TBCA: variants seen among roughly 807,000 people sequenced by gnomAD.
TBCA encodes the protein tubulin-specific chaperone A.
In TBCA, 6 loss-of-function variants were observed where a neutral mutation model predicts 15.8. That is an observed-to-expected ratio of 0.38 (90% CI 0.21 to 0.75). The LOEUF (loss-of-function observed/expected upper bound fraction) is 0.75, where lower values mean the gene tolerates loss of function less well. Ranked by LOEUF, TBCA falls within the 30% of genes least tolerant of loss-of-function variation. TBCA has a pLI of 0.46. For synonymous variants in TBCA, 32 were observed against 42.3 expected, an observed-to-expected ratio of 0.76 and a Z score of 0.94; for missense variants, 90 against 131.2, an observed-to-expected ratio of 0.69 and a Z score of 1.53.
chr5:77,752,507 G>A (rs1244496661), intron 1 of TBCA, among the ~76,000 whole-genome samples: 1 of 152,116 alleles, frequency 6.6e-6, no homozygotes, highest in East Asian at 1.9e-4. Flanking sequence ...GGGATTACAG[G>A]CACATGCCAC....
At chr5:77,771,959 C>T (rs528925292) in intron 1 of TBCA, among the ~76,000 whole-genome samples, 1 of 152,150 alleles carries the variant, frequency 6.6e-6, no homozygotes, top group African/African-American at 2.4e-5. Flanking sequence ...TAAACCTCTT[C>T]TTCCAAATAA....
intron 1 of TBCA, among the ~76,000 whole-genome samples, chr5:77,739,657 TAACAAG>T (rs1489730196): frequency 6.6e-6 from 1 of 152,192 alleles, no homozygotes; most frequent in Non-Finnish European, 1.5e-5. Context: ...CCTGCGCTGT[TAACAAG>T]AATAAGAAGT....
At position 77,708,293 on chromosome 5, in the gene TBCA, C is replaced by G. The variant is rs1478463039; in HGVS notation, c.108G>C (p.Lys36Asn). 2 of 1,611,502 alleles carry G rather than the reference C, an allele frequency of 1.2e-6. No individual in the cohort carries two copies. Among genetic ancestry groups the G allele is most frequent in the Non-Finnish European group, 1.7e-6 (2 of 1,178,792 alleles). The change falls in exon 2 of 4, where the codon AAG becomes AAC. Residue 36 changes from lysine to asparagine, a missense_variant. By Grantham distance (94) the Lys-to-Asn change is moderately conservative (BLOSUM62 0). Coordinates refer to ENST00000380377, the MANE Select transcript of TBCA (RefSeq NM_004607.3). ...YEKEAKQQEE[K>N]IEKMRAEDGE... is the part of the protein sequence containing the mutation. ...CGTCTTCAGCTCTCATTTTTTCAAT[C>G]TTTTCTTCTTGTTGTTTTGCCTCTT...
chr5:77,727,088 A>G (rs765090892), intron 1 of TBCA, among the ~76,000 whole-genome samples: 4 of 151,974 alleles, frequency 2.6e-5, no homozygotes, highest in African/African-American at 4.8e-5. Context: ...AAATTAAAGC[A>G]AACTTTGTAT....
intron 1 of TBCA, among the ~76,000 whole-genome samples, chr5:77,750,821 C>CA (rs1747307826): frequency 6.6e-6 from 1 of 152,122 alleles, no homozygotes; most frequent in African/African-American, 2.4e-5. Context: ...AGACATAATA[C>CA]ATTAGTCAAC....
intron 1 of TBCA, among the ~76,000 whole-genome samples, chr5:77,725,255 TA>T (rs2112460890): frequency 6.6e-6 from 1 of 152,338 alleles, no homozygotes; most frequent in African/African-American, 2.4e-5. Flanking sequence ...CTCATTCTAC[TA>T]ATCTCCTGTC....
At chr5:77,743,141 C>G (rs1202129782) in intron 1 of TBCA, among the ~76,000 whole-genome samples, 1 of 152,206 alleles carries the variant, frequency 6.6e-6, no homozygotes, top group African/African-American at 2.4e-5. Flanking sequence ...GGCATTTTAT[C>G]ATACCATTAG....
chr5:77,700,492 A>G (rs934064746), intron 2 of TBCA, among the ~76,000 whole-genome samples: 9 of 152,370 alleles, frequency 5.9e-5, no homozygotes, highest in African/African-American at 2.2e-4. Flanking sequence ...ATGCAAATTA[A>G]AAGCACAATG....
chr5:77,746,248 T>C (rs1580124106), intron 1 of TBCA, among the ~76,000 whole-genome samples: 2 of 152,114 alleles, frequency 1.3e-5, no homozygotes, highest in African/African-American at 2.4e-5. Flanking sequence ...GGGCAACATA[T>C]TGAGGCCCCG....
intron 1 of TBCA, among the ~76,000 whole-genome samples, chr5:77,758,697 T>TA (rs1227135715): frequency 6.6e-6 from 1 of 151,652 alleles, no homozygotes; most frequent in Non-Finnish European, 1.5e-5. Context: ...GTGCTCTCCT[T>TA]ACACTTGGGA....
intron 1 of TBCA, among the ~76,000 whole-genome samples, chr5:77,753,653 C>T (rs978659809): frequency 2.0e-5 from 3 of 152,152 alleles, no homozygotes; most frequent in Non-Finnish European, 4.4e-5. Context: ...TTTTTAATGA[C>T]ATCTTGTTTT....
At chr5:77,724,811 C>T (rs1374562273) in intron 1 of TBCA, among the ~76,000 whole-genome samples, 1 of 152,104 alleles carries the variant, frequency 6.6e-6, no homozygotes, top group African/African-American at 2.4e-5. Flanking sequence ...CTTCAGGAAA[C>T]GTGTACACTA....
intron 1 of TBCA, among the ~76,000 whole-genome samples, chr5:77,758,418 T>C (rs551080753): frequency 1.3e-5 from 2 of 152,348 alleles, no homozygotes; most frequent in African/African-American, 2.4e-5. Flanking sequence ...CCCTGTCACA[T>C]ATCCCCTAGA....
chr5:77,697,524 C>T (rs1336054245), intron 2 of TBCA, among the ~76,000 whole-genome samples: 1 of 151,702 alleles, frequency 6.6e-6, no homozygotes, highest in Non-Finnish European at 1.5e-5. Flanking sequence ...TTAAGTAGCC[C>T]ATGGGCCAAA....
intron 1 of TBCA, among the ~76,000 whole-genome samples, chr5:77,741,186 T>C (rs1747021334): frequency 1.3e-5 from 2 of 151,946 alleles, no homozygotes; most frequent in South Asian, 2.1e-4. Context: ...GGAGGTAGGG[T>C]TGTGGAGAAG....
At chr5:77,720,440 G>A (rs1338320887) in intron 1 of TBCA, among the ~76,000 whole-genome samples, 2 of 152,122 alleles carry the variant, frequency 1.3e-5, no homozygotes, top group African/African-American at 2.4e-5. Flanking sequence ...TCGGCCAGGC[G>A]CGGTGGCTCT....
chr5:77,776,192 C>T lies in TBCA; in HGVS notation c.53+13G>A, dbSNP rs1353148673. 2 of 1,558,760 alleles carry T rather than the reference C, an allele frequency of 1.3e-6. No individual in the cohort carries two copies. The highest frequency in any genetic ancestry group is 1.4e-5 in the African/African-American group (1 of 73,340). ...CGAAGAGGAGGTGCAGGGCGCCGCT[C>T]CCGGCTCCTTACCGCTTCACCACGC... On this transcript the variant is annotated intron_variant, in intron 1 of 3. Coordinates refer to ENST00000380377, the MANE Select transcript of TBCA (RefSeq NM_004607.3).
intron 1 of TBCA, among the ~76,000 whole-genome samples, chr5:77,753,945 A>C (rs2112497046): frequency 6.6e-6 from 1 of 152,244 alleles, no homozygotes; most frequent in East Asian, 1.9e-4. Flanking sequence ...TAGTAGAGAC[A>C]GGGTTTCACC....
chr5:77,702,510 T>C (rs1746041059), intron 2 of TBCA, among the ~76,000 whole-genome samples: 1 of 152,060 alleles, frequency 6.6e-6, no homozygotes, highest in Non-Finnish European at 1.5e-5. Context: ...GCAGAGAGGA[T>C]TGGGTGGCTA....
Sources: allele counts gnomAD v4.1 joint callset (sites outside exome capture counted in the v4.1 genomes callset), GRCh38; gene constraint gnomAD v4.1.1; transcripts MANE v1.5; gene names NCBI Gene and HGNC (gene_info 2026-07-23, HGNC 2026-07-21).